The following SLC6A16 variants were observed in gnomAD, a reference collection of about 807,000 sequenced individuals.
The protein encoded by SLC6A16 is orphan sodium- and chloride-dependent neurotransmitter transporter NTT5.
SLC6A16 carries 54 observed loss-of-function variants against 65.4 expected under a neutral mutation model. That is an observed-to-expected ratio of 0.83 (90% CI 0.66 to 1.04). The LOEUF is 1.04. SLC6A16 is among the 50% of genes least tolerant of loss of function. The pLI is 0.00. For missense variants in SLC6A16, 816 were observed against 914.0 expected, an observed-to-expected ratio of 0.89 and a Z score of 1.38; for synonymous variants, 330 against 346.5, an observed-to-expected ratio of 0.95 and a Z score of 0.53.
the SLC6A16 span, chr19:49,338,985 G>A: frequency 7.2e-7 from 1 of 1,396,898 alleles, no homozygotes; most frequent in Non-Finnish European, 1.0e-6. The surrounding 1 kb of genome is among the most constrained non-coding windows in gnomAD (Gnocchi z 5.0). Context: ...CGGGGCCTGC[G>A]GGAGGGGGAG....
In SLC6A16 at chr19:49,304,305, C is replaced by T. The variant is rs921936636; in HGVS notation, c.1229+4571G>A. Among the ~76,000 whole-genome samples, 67 of 152,222 alleles carry T rather than the reference C, an allele frequency of 4.4e-4. 1 individual carries two copies. The highest frequency in any genetic ancestry group is 2.4e-4 in the Non-Finnish European group (16 of 68,048). The stretch of plus-strand genomic sequence containing the variant: ...AAAACAACTACAAAAACTATAACCA[C>T]GCATAAAGGCCACTGCAACCTTACA... On this transcript the variant is annotated intron_variant, in intron 7 of 11. Coordinates refer to ENST00000335875, the MANE Select transcript of SLC6A16 (RefSeq NM_014037.3).
rs182764325 is a variant in SLC6A16, at chr19:49,289,777, T to C, written c.*346A>G. Reference sequence around the variant, plus strand: ...TTACATCCAGTCCTTGGAGTTCCAGTAGACTGATTTATTCACCAACAGCAT... The same window carrying C: ...TTACATCCAGTCCTTGGAGTTCCAGCAGACTGATTTATTCACCAACAGCAT... On this transcript the variant is annotated 3_prime_UTR_variant, in exon 12 of 12. Coordinates refer to ENST00000335875, the MANE Select transcript of SLC6A16 (RefSeq NM_014037.3). The C allele has an allele frequency of 3.9e-4, 104 of 264,800 alleles. No individual in the cohort carries two copies. Among genetic ancestry groups the C allele is most frequent in the African/African-American group, 2.2e-3 (99 of 45,146 alleles). 16.4% of individuals were successfully genotyped at this position (264,800 alleles called of 1,614,324 possible). A position where few individuals can be genotyped will look rare whatever the true frequency, so the allele number is the denominator to read the frequency against.
intron 1 of SLC6A16, among the ~76,000 whole-genome samples, chr19:49,324,465 G>T (rs571058263): frequency 3.3e-5 from 5 of 152,236 alleles, no homozygotes; most frequent in African/African-American, 9.6e-5. Context: ...CATCCATAAA[G>T]CCCCTTGAGC....
chr19:49,335,190 A>G, the SLC6A16 span: 1 of 282,004 alleles, frequency 3.5e-6, no homozygotes, highest in South Asian at 5.0e-5. This position sits in a 1 kb window ranked among gnomAD's most constrained non-coding sequence, Gnocchi z 4.6. Flanking sequence ...GGTGGGTTCC[A>G]GTAGATCAGG....
At chr19:49,331,242 G>A in the SLC6A16 span, among the ~76,000 whole-genome samples, 18 of 151,928 alleles carry the variant, frequency 1.2e-4, no homozygotes, top group Admixed American at 3.3e-4. Context: ...GTGCAGTGGT[G>A]CAATCACGGC....
intron 1 of SLC6A16, among the ~76,000 whole-genome samples, chr19:49,318,239 G>A (rs1270833933): frequency 1.3e-5 from 2 of 152,128 alleles, no homozygotes; most frequent in Non-Finnish European, 2.9e-5. Flanking sequence ...AGAACTTGGA[G>A]AAGAACAAGA....
chr19:49,335,306 GT>G, the SLC6A16 span: 2 of 559,340 alleles, frequency 3.6e-6, no homozygotes, highest in South Asian at 4.5e-5. The surrounding 1 kb of genome is among the most constrained non-coding windows in gnomAD (Gnocchi z 4.6). Flanking sequence ...ACCAGAGCAT[GT>G]GTCCCAGTGG....
At chr19:49,335,873 C>G in the SLC6A16 span, 2 of 1,094,144 alleles carry the variant, frequency 1.8e-6, no homozygotes, top group Non-Finnish European at 2.8e-6. The surrounding 1 kb of genome is among the most constrained non-coding windows in gnomAD (Gnocchi z 4.6). Flanking sequence ...ACCTACGGTG[C>G]CCTACTCTGC....
At chr19:49,299,488 A>G (rs1168881761) in intron 7 of SLC6A16, among the ~76,000 whole-genome samples, 2 of 148,292 alleles carry the variant, frequency 1.3e-5, no homozygotes, top group Non-Finnish European at 3.0e-5. Context: ...TGGGAGGCAG[A>G]GGTTGCAGTG....
chr19:49,293,187 C>G (rs1436138150), intron 10 of SLC6A16, 36 bp downstream of exon 10: 4 of 1,611,420 alleles, frequency 2.5e-6, no homozygotes, highest in African/African-American at 1.3e-5. Flanking sequence ...TCCCTATAGT[C>G]CCATGCTTTG....
In SLC6A16 at chr19:49,309,091, C is replaced by T. The variant is rs1970453675; in HGVS notation, c.1014G>A (p.Val338=). 1.2e-6 allele frequency: 2 copies of T among 1,614,064 alleles called. No homozygotes were observed. The highest frequency in any genetic ancestry group is 2.7e-5 in the African/African-American group (2 of 74,928). ...AAACTTGACCCCCTGCTAGAGACCA[C>T]ACACTCATATTGTACACATCCGATA... ...AKISDVYNMS[V]WSLAGGQVLS... Residue 338 remains valine (V), a synonymous_variant, in exon 7 of 12, where the codon GTG becomes GTA. Transcript: ENST00000335875.
chr19:49,338,317 G>A, the SLC6A16 span: 4 of 717,104 alleles, frequency 5.6e-6, no homozygotes, highest in Non-Finnish European at 8.4e-6. The surrounding 1 kb of genome is among the most constrained non-coding windows in gnomAD (Gnocchi z 5.0). Context: ...AGACCCTAGC[G>A]AGACACGGCT....
chr19:49,301,957 C>T (rs1432985080), intron 7 of SLC6A16, among the ~76,000 whole-genome samples: 1 of 152,230 alleles, frequency 6.6e-6, no homozygotes, highest in Non-Finnish European at 1.5e-5. Context: ...ATCACGTTTG[C>T]ACCCTCAGCT....
chr19:49,312,100 G>A (rs867371926), intron 1 of SLC6A16, among the ~76,000 whole-genome samples: 5 of 151,532 alleles, frequency 3.3e-5, no homozygotes, highest in African/African-American at 4.8e-5. Flanking sequence ...CAAGTGATCC[G>A]CCCACCTCAG....
chr19:49,290,768 C>T lies in SLC6A16; in HGVS notation c.1779-1G>A, dbSNP rs1298147980. On this transcript the variant is annotated splice_acceptor_variant, in intron 10 of 11. Transcript: ENST00000335875. LOFTEE classifies it high-confidence loss of function. Reference sequence around the variant, plus strand: ...CAGGATCGTCAGGTCTGCAAGGAACCTGGAGAAGGGCCACCAGAGTGTGGG... The same window carrying T: ...CAGGATCGTCAGGTCTGCAAGGAACTTGGAGAAGGGCCACCAGAGTGTGGG... 1.2e-6 allele frequency: 2 copies of T among 1,605,914 alleles called. No homozygotes were observed. Among genetic ancestry groups the T allele is most frequent in the Non-Finnish European group, 1.7e-6 (2 of 1,176,094 alleles).
Position 49,294,357 on chromosome 19 carries a change from GT to G in SLC6A16, c.1416+9del, listed in dbSNP as rs1428754075. 3 of 1,613,112 alleles carry G rather than the reference GT, an allele frequency of 1.9e-6. No individual in the cohort carries two copies. Among genetic ancestry groups the G allele is most frequent in the Non-Finnish European group, 2.5e-6 (3 of 1,179,538 alleles). On this transcript the variant is annotated intron_variant, in intron 8 of 11. Coordinates refer to ENST00000335875, the MANE Select transcript of SLC6A16 (RefSeq NM_014037.3). ...AACTCTAGGCTCCCCCCTCAGCTATGTTTACTGACCTTAAGAAACTGAGTCT... is the reference window on the plus strand; with the variant it reads ...AACTCTAGGCTCCCCCCTCAGCTATGTTACTGACCTTAAGAAACTGAGTCT...
chr19:49,325,187 G>T lies in SLC6A16; in HGVS notation c.-204C>A. The T allele has an allele frequency of 1.0e-5, 10 of 985,494 alleles. No homozygotes were observed. The highest frequency in any genetic ancestry group is 1.2e-5 in the Non-Finnish European group (10 of 829,964). 61.0% of individuals were successfully genotyped at this position (985,494 alleles called of 1,614,324 possible). A position where few individuals can be genotyped will look rare whatever the true frequency, so the allele number is the denominator to read the frequency against. ...CAGATCGGTTTGGGCGACACCCCTC[G>T]ATCTGCCTGGCGCGCGGCCTTTCCC... On this transcript the variant is annotated 5_prime_UTR_variant, in exon 1 of 12. Coordinates refer to ENST00000335875, the MANE Select transcript of SLC6A16 (RefSeq NM_014037.3).
chr19:49,321,214 A>C (rs1450383607), intron 1 of SLC6A16, among the ~76,000 whole-genome samples: 5 of 152,196 alleles, frequency 3.3e-5, no homozygotes, highest in Non-Finnish European at 5.9e-5. Context: ...CTGCATACAA[A>C]AATCAATCAA....
At chr19:49,328,541 A>G (rs1025361709), upstream of SLC6A16, among the ~76,000 whole-genome samples, 11 of 152,304 alleles carry the variant, frequency 7.2e-5, no homozygotes, top group Middle Eastern at 6.8e-3. Flanking sequence ...TGTTGATTAG[A>G]TCTGGGTAAT....
Sources: allele counts gnomAD v4.1 joint callset (sites outside exome capture counted in the v4.1 genomes callset), GRCh38; gene constraint gnomAD v4.1.1; non-coding constraint Gnocchi (gnomAD v3.1); transcripts MANE v1.5; gene names NCBI Gene and HGNC (gene_info 2026-07-23, HGNC 2026-07-21).